Variants in CLIC4 observed in about 807,000 individuals in gnomAD.
CLIC4 encodes chloride intracellular channel protein 4.
Under a neutral mutation model 24.6 loss-of-function variants are expected in CLIC4, and 13 were observed. The ratio of observed to expected loss-of-function variants is 0.53; its 90% CI spans 0.34 to 0.84. The LOEUF is 0.84. CLIC4 is among the 40% of genes least tolerant of loss of function. CLIC4 has a pLI of 0.01. For missense variants in CLIC4, 227 were observed against 301.7 expected (o/e 0.75, Z 1.83); for synonymous variants, 104 against 111.3 (o/e 0.93, Z 0.41).
intron 1 of CLIC4, among the ~76,000 whole-genome samples, chr1:24,775,913 A>C (rs1639135385): frequency 6.6e-6 from 1 of 152,014 alleles, no homozygotes; most frequent in African/African-American, 2.4e-5. Context: ...GGATATTACA[A>C]ATGATAAATG....
In CLIC4 at chr1:24,756,867, C is replaced by T. The variant is rs1001032837; in HGVS notation, c.72+11242C>T. On this transcript the variant is annotated intron_variant, in intron 1 of 5. Coordinates refer to ENST00000374379, the MANE Select transcript of CLIC4 (RefSeq NM_013943.3). ...TCCTGAGTAGCTGGGATTACAGACA[C>T]CCACCACCATGCCTGGCTAGTTTTT... is the stretch of plus-strand genomic sequence containing the variant. Among the ~76,000 whole-genome samples the T allele has an allele frequency of 2.6e-5, 4 of 151,534 alleles. No individual in the cohort carries two copies. In the East Asian group the frequency reaches 5.8e-4, roughly 22 times the overall value.
intron 2 of CLIC4, among the ~76,000 whole-genome samples, chr1:24,809,830 G>T (rs1639594055): frequency 6.6e-6 from 1 of 152,150 alleles, no homozygotes; most frequent in Non-Finnish European, 1.5e-5. Flanking sequence ...AGGCAGGCAG[G>T]CTAACTTAAT....
At chr1:24,784,981 G>A (rs555643001) in intron 1 of CLIC4, among the ~76,000 whole-genome samples, 1 of 145,276 alleles carries the variant, frequency 6.9e-6, no homozygotes, top group Non-Finnish European at 1.5e-5. Flanking sequence ...TCCAGCCTGG[G>A]CGACAGCGCG....
At chr1:24,756,727 CTT>C (rs937666360) in intron 1 of CLIC4, among the ~76,000 whole-genome samples, 1 of 147,418 alleles carries the variant, frequency 6.8e-6, no homozygotes, top group Non-Finnish European at 1.5e-5. Context: ...TAATTAAGAA[CTT>C]TTTTTTTTTG....
chr1:24,821,204 A>C (rs1367987554), intron 3 of CLIC4, among the ~76,000 whole-genome samples: 1 of 151,924 alleles, frequency 6.6e-6, no homozygotes, highest in African/African-American at 2.4e-5. Flanking sequence ...GAAGGAAAAA[A>C]AAAAAGAATT....
rs1639961498 is a variant in CLIC4 at position 24,843,304 on chromosome 1, G to A, written c.*2367G>A. The A allele has an allele frequency of 6.6e-6, 1 of 152,180 alleles. No individual in the cohort carries two copies. The highest frequency in any genetic ancestry group is 2.1e-4 in the South Asian group (1 of 4,832). 9.4% of individuals were successfully genotyped at this position (152,180 alleles called of 1,614,324 possible). On this transcript the variant is annotated 3_prime_UTR_variant, in exon 6 of 6. Coordinates refer to ENST00000374379, the MANE Select transcript of CLIC4 (RefSeq NM_013943.3). Reference sequence around the variant, plus strand: ...TGCTTTAACCCCATTGTATGTTTGTGGAAAGAGCATAGTTTAACATCTTGA... The same window carrying A: ...TGCTTTAACCCCATTGTATGTTTGTAGAAAGAGCATAGTTTAACATCTTGA...
chr1:24,798,494 G>A (rs917418905), intron 2 of CLIC4, among the ~76,000 whole-genome samples: 25 of 152,162 alleles, frequency 1.6e-4, no homozygotes, highest in Admixed American at 1.4e-3. Flanking sequence ...GCTGAGAAGA[G>A]CCGTGATGAG....
At chr1:24,765,627 A>G (rs990508846) in intron 1 of CLIC4, among the ~76,000 whole-genome samples, 3 of 152,176 alleles carry the variant, frequency 2.0e-5, no homozygotes, top group Admixed American at 6.5e-5. Context: ...GAGAGCAGCT[A>G]TTGTCCTGAT....
intron 2 of CLIC4, among the ~76,000 whole-genome samples, chr1:24,813,819 A>G (rs1342484606): frequency 6.6e-6 from 1 of 152,086 alleles, no homozygotes; most frequent in African/African-American, 2.4e-5. Context: ...CCCAGGCTCA[A>G]GTGATCCTTC....
intron 1 of CLIC4, among the ~76,000 whole-genome samples, chr1:24,794,320 T>G (rs1390850769): frequency 6.6e-6 from 1 of 151,890 alleles, no homozygotes; most frequent in Non-Finnish European, 1.5e-5. Context: ...GCGTATAGTG[T>G]TCCCTTTTCT....
At chr1:24,803,847 C>T (rs1234382028) in intron 2 of CLIC4, among the ~76,000 whole-genome samples, 3 of 151,992 alleles carry the variant, frequency 2.0e-5, no homozygotes, top group East Asian at 3.9e-4. Context: ...GGACCTGGGG[C>T]GAGCTGCCTC....
At chr1:24,815,132 A>G (rs1324821542) in intron 3 of CLIC4, among the ~76,000 whole-genome samples, 1 of 152,222 alleles carries the variant, frequency 6.6e-6, no homozygotes, top group Non-Finnish European at 1.5e-5. Context: ...TTACAGTAGT[A>G]TACTGTAGTG....
chr1:24,829,810 C>T (rs568155235), intron 4 of CLIC4, among the ~76,000 whole-genome samples: 6 of 152,298 alleles, frequency 3.9e-5, no homozygotes, highest in African/African-American at 7.2e-5. Flanking sequence ...CTGCCTTTCT[C>T]TCTGGAAAAG....
intron 1 of CLIC4, among the ~76,000 whole-genome samples, chr1:24,764,236 G>T (rs1010818442): frequency 1.3e-5 from 2 of 152,106 alleles, no homozygotes; most frequent in African/African-American, 4.8e-5. Flanking sequence ...GAGTAGCTGG[G>T]ATTACAGGCA....
intron 1 of CLIC4, among the ~76,000 whole-genome samples, chr1:24,760,441 G>T (rs1638913624): frequency 6.6e-6 from 1 of 152,088 alleles, no homozygotes; most frequent in Admixed American, 6.6e-5. Context: ...TAGATACAAA[G>T]TCTTTGATCT....
Position 24,760,007 on chromosome 1 carries a change from T to C in CLIC4, c.72+14382T>C, listed in dbSNP as rs1638901179. Among the ~76,000 whole-genome samples, 5 of 152,192 alleles carry C rather than the reference T, an allele frequency of 3.3e-5. No homozygotes were observed. In the South Asian group the frequency reaches 1.0e-3, roughly 32 times the overall value. ...AAACTTTTATCTTTTCCCTCAATAA[T>C]TAGTTGCATGTTATATCTGCTAATT... On this transcript the variant is annotated intron_variant, in intron 1 of 5. Transcript: ENST00000374379.
chr1:24,780,667 T>A (rs1639192013), intron 1 of CLIC4, among the ~76,000 whole-genome samples: 1 of 152,250 alleles, frequency 6.6e-6, no homozygotes, highest in Non-Finnish European at 1.5e-5. Flanking sequence ...GGCTTGCTAT[T>A]CCCTGGGAAT....
chr1:24,814,822 A>G (rs1216419652), intron 3 of CLIC4, among the ~76,000 whole-genome samples: 1 of 152,232 alleles, frequency 6.6e-6, no homozygotes, highest in Admixed American at 6.5e-5. Flanking sequence ...ATAGATTCAA[A>G]GCATTATTTG....
At chr1:24,768,444 G>A (rs886816410) in intron 1 of CLIC4, among the ~76,000 whole-genome samples, 2 of 151,982 alleles carry the variant, frequency 1.3e-5, no homozygotes, top group African/African-American at 4.8e-5. Flanking sequence ...AAGAGATTAA[G>A]CTCTTTTTAT....
Sources: allele counts gnomAD v4.1 joint callset (sites outside exome capture counted in the v4.1 genomes callset), GRCh38; gene constraint gnomAD v4.1.1; transcripts MANE v1.5; gene names NCBI Gene and HGNC (gene_info 2026-07-23, HGNC 2026-07-21).